Variants in LSAMP observed in about 807,000 individuals in gnomAD.
The protein encoded by LSAMP is limbic system associated membrane protein.
A neutral mutation model predicts 38.6 loss-of-function variants in LSAMP; 7 were observed. That is an observed-to-expected ratio of 0.18 (90% CI 0.10 to 0.34). The LOEUF is 0.34. Ranked by LOEUF, LSAMP falls within the 10% of genes least tolerant of loss-of-function variation. LSAMP has a pLI of 1.00. For missense variants in LSAMP, 313 were observed against 420.0 expected, an observed-to-expected ratio of 0.75 and a Z score of 2.23; for synonymous variants, 154 against 166.8, an observed-to-expected ratio of 0.92 and a Z score of 0.59.
At chr3:116,388,619 A>G (rs1181237958) in intron 1 of LSAMP, among the ~76,000 whole-genome samples, 1 of 152,190 alleles carries the variant, frequency 6.6e-6, no homozygotes, top group East Asian at 1.9e-4. Flanking sequence ...TTTGCCCAAC[A>G]ATTTGGGGAA....
intron 3 of LSAMP, 131 bp downstream of exon 3, chr3:116,019,384 T>G: frequency 8.8e-7 from 1 of 1,137,094 alleles, no homozygotes; most frequent in Non-Finnish European, 1.2e-6. Flanking sequence ...GATAGATGCA[T>G]GACCTTCTGA....
intron 6 of LSAMP, among the ~76,000 whole-genome samples, chr3:115,820,770 A>T (rs1009837342): frequency 9.9e-5 from 15 of 152,214 alleles, no homozygotes; most frequent in African/African-American, 3.6e-4. Flanking sequence ...AGACTGAATG[A>T]ATCAATTAAT....
chr3:116,034,615 C>T (rs1941007487), intron 2 of LSAMP, among the ~76,000 whole-genome samples: 1 of 152,112 alleles, frequency 6.6e-6, no homozygotes, highest in African/African-American at 2.4e-5. Context: ...TACAAGGAAA[C>T]AATACTCAGG....
At chr3:115,994,320 A>G (rs1939755744) in intron 3 of LSAMP, among the ~76,000 whole-genome samples, 1 of 152,192 alleles carries the variant, frequency 6.6e-6, no homozygotes, top group African/African-American at 2.4e-5. Context: ...AGAGGAGAAA[A>G]GAATAGTCAG....
intron 3 of LSAMP, among the ~76,000 whole-genome samples, chr3:115,924,953 A>G (rs1320471877): frequency 1.3e-5 from 2 of 152,138 alleles, no homozygotes; most frequent in African/African-American, 4.8e-5. Context: ...TCATGAGACC[A>G]TTGGGACATT....
At chr3:116,436,822 T>C (rs747902065) in intron 1 of LSAMP, among the ~76,000 whole-genome samples, 2 of 152,008 alleles carry the variant, frequency 1.3e-5, no homozygotes, top group Non-Finnish European at 1.5e-5. Context: ...AGCAATCCCA[T>C]TACTGGATAT....
intron 1 of LSAMP, among the ~76,000 whole-genome samples, chr3:116,112,735 T>C (rs1708644458): frequency 6.6e-6 from 1 of 152,112 alleles, no homozygotes; most frequent in African/African-American, 2.4e-5. Context: ...GGAACGAGTT[T>C]GGTATGAAAA....
chr3:116,335,492 G>A (rs1484814114), intron 1 of LSAMP, among the ~76,000 whole-genome samples: 1 of 152,082 alleles, frequency 6.6e-6, no homozygotes, highest in Non-Finnish European at 1.5e-5. Context: ...AATCAAGAGT[G>A]TGGCACTGGC....
chr3:116,121,488 T>C (rs1036463320), intron 1 of LSAMP, among the ~76,000 whole-genome samples: 1 of 152,234 alleles, frequency 6.6e-6, no homozygotes, highest in Non-Finnish European at 1.5e-5. Flanking sequence ...ATACTGGCAA[T>C]GTTGGTTTGG....
chr3:116,445,078 C>T lies in LSAMP; in HGVS notation c.-47G>A, dbSNP rs771753342. The T allele has an allele frequency of 4.5e-6, 7 of 1,563,298 alleles. No homozygotes were observed. In the South Asian group the frequency reaches 4.8e-5, roughly 11 times the overall value. On this transcript the variant is annotated 5_prime_UTR_variant, in exon 1 of 7. Coordinates refer to ENST00000490035, the MANE Select transcript of LSAMP (RefSeq NM_002338.5). ...GTCCGCGGGGTGCTCTGGAGGGGTG[C>T]GCGCTGCTCGCGAGGAGAGGCTTCA...
chr3:116,390,589 G>A (rs978037226), intron 1 of LSAMP, among the ~76,000 whole-genome samples: 1 of 151,896 alleles, frequency 6.6e-6, no homozygotes, highest in Non-Finnish European at 1.5e-5. Flanking sequence ...CATTAGCTGG[G>A]CATGGTGGCA....
intron 6 of LSAMP, among the ~76,000 whole-genome samples, chr3:115,840,812 T>A (rs73858082): frequency 0.048 from 7,292 of 152,246 alleles, 574 homozygotes; most frequent in African/African-American, 0.16. Flanking sequence ...TATTTCCAGT[T>A]TTTCCAATAG....
chr3:116,197,130 G>GACACACACACAC (rs10650049), intron 1 of LSAMP, among the ~76,000 whole-genome samples: 6,583 of 136,654 alleles, frequency 0.048, 215 homozygotes, highest in Non-Finnish European at 0.065. Context: ...ATCCCACTCG[G>GACACACACACAC]ACACACACAC....
chr3:116,193,458 G>T (rs542393982), intron 1 of LSAMP, among the ~76,000 whole-genome samples: 5 of 152,218 alleles, frequency 3.3e-5, no homozygotes, highest in African/African-American at 9.6e-5. Flanking sequence ...GATACCATTT[G>T]TCTTGTCATG....
At chr3:116,164,863 C>CCTAA (rs1710009758) in intron 1 of LSAMP, among the ~76,000 whole-genome samples, 1 of 147,666 alleles carries the variant, frequency 6.8e-6, no homozygotes, top group African/African-American at 2.5e-5. Flanking sequence ...AGGAGTCATT[C>CCTAA]CTAACTAGTA....
chr3:116,433,558 C>T (rs1276516293), intron 1 of LSAMP, among the ~76,000 whole-genome samples: 1 of 152,120 alleles, frequency 6.6e-6, no homozygotes, highest in Non-Finnish European at 1.5e-5. Context: ...GTAATGAGCT[C>T]TAAGATGCAA....
chr3:115,857,971 T>C (rs1935558879), intron 3 of LSAMP, among the ~76,000 whole-genome samples: 1 of 152,194 alleles, frequency 6.6e-6, no homozygotes, highest in African/African-American at 2.4e-5. Context: ...TTCCATGCTT[T>C]AGTGAGCCCT....
chr3:115,934,273 A>G (rs1937630585), intron 3 of LSAMP, among the ~76,000 whole-genome samples: 1 of 150,846 alleles, frequency 6.6e-6, no homozygotes, highest in African/African-American at 2.4e-5. Flanking sequence ...CCGCCTCCCT[A>G]GTTCAAGCAA....
chr3:116,058,834 G>T (rs567015200), intron 2 of LSAMP, among the ~76,000 whole-genome samples: 1 of 152,086 alleles, frequency 6.6e-6, no homozygotes, highest in Non-Finnish European at 1.5e-5. Flanking sequence ...AAAGACTCAC[G>T]TGTTTCTAAG....
Sources: gnomAD v4.1 joint callset for allele counts (sites outside exome capture counted in the v4.1 genomes callset) on GRCh38, gnomAD v4.1.1 for gene constraint, MANE v1.5 for transcripts, NCBI Gene and HGNC (gene_info 2026-07-23, HGNC 2026-07-21) for gene names.